The following LOC128092252 variants were observed in gnomAD, a reference collection of about 807,000 sequenced individuals.
the LOC128092252 span, among the ~76,000 whole-genome samples, chr15:50,678,543 C>T: frequency 5.2e-3 from 750 of 144,346 alleles, 12 homozygotes; most frequent in African/African-American, 0.016. Context: ...TATATATATA[C>T]ACACACACAC....
chr15:50,679,532 A>T, the LOC128092252 span, among the ~76,000 whole-genome samples: 22 of 33,376 alleles, frequency 6.6e-4, no homozygotes, highest in East Asian at 1.5e-3. Flanking sequence ...ATATATATAT[A>T]TATATATTTT....
At chr15:50,673,238 C>T in the LOC128092252 span, among the ~76,000 whole-genome samples, 1 of 152,092 alleles carries the variant, frequency 6.6e-6, no homozygotes, top group Non-Finnish European at 1.5e-5. Context: ...CAGTAAATGC[C>T]TTATACACCT....
chr15:50,657,703 G>T, the LOC128092252 span: 1 of 1,285,788 alleles, frequency 7.8e-7, no homozygotes, highest in Non-Finnish European at 1.1e-6. Flanking sequence ...TCATGCCACT[G>T]TGTTCTAACT....
At chr15:50,657,968 T>A in the LOC128092252 span, 1 of 545,886 alleles carries the variant, frequency 1.8e-6, no homozygotes, top group Non-Finnish European at 3.3e-6. Context: ...TACCTTGATT[T>A]ATAATTCAAA....
At chr15:50,656,798 A>C in the LOC128092252 span, among the ~76,000 whole-genome samples, 5 of 151,852 alleles carry the variant, frequency 3.3e-5, no homozygotes, top group African/African-American at 9.7e-5. Flanking sequence ...ATTACAATTT[A>C]CTCAGTTGCC....
At chr15:50,679,096 T>A in the LOC128092252 span, among the ~76,000 whole-genome samples, 1 of 136,350 alleles carries the variant, frequency 7.3e-6, no homozygotes, top group Non-Finnish European at 1.6e-5. Flanking sequence ...ATGGTCTCGA[T>A]CTCTTGACCT....
chr15:50,678,085 C>CA, the LOC128092252 span, among the ~76,000 whole-genome samples: 1 of 150,082 alleles, frequency 6.7e-6, no homozygotes, highest in Non-Finnish European at 1.5e-5. Context: ...TAAAAAAATA[C>CA]AAAAAATCAG....
At chr15:50,669,669 G>A in the LOC128092252 span, among the ~76,000 whole-genome samples, 1 of 152,014 alleles carries the variant, frequency 6.6e-6, no homozygotes, top group Admixed American at 6.6e-5. Context: ...CAAGAACTAT[G>A]GTATACCTGT....
chr15:50,672,601 T>G, the LOC128092252 span, among the ~76,000 whole-genome samples: 1 of 151,886 alleles, frequency 6.6e-6, no homozygotes, highest in African/African-American at 2.4e-5. Context: ...AGTAAAATAA[T>G]TTTAAAATGT....
At chr15:50,684,402 G>C in the LOC128092252 span, among the ~76,000 whole-genome samples, 1 of 152,100 alleles carries the variant, frequency 6.6e-6, no homozygotes, top group Non-Finnish European at 1.5e-5. Context: ...AACACTTTGG[G>C]AGGTGAGACA....
chr15:50,662,305 C>T, the LOC128092252 span, among the ~76,000 whole-genome samples: 21 of 143,976 alleles, frequency 1.5e-4, no homozygotes, highest in Non-Finnish European at 2.3e-4. Context: ...CCAGCCTGGA[C>T]GACAGAGCAA....
the LOC128092252 span, among the ~76,000 whole-genome samples, chr15:50,661,815 A>G: frequency 2.0e-5 from 3 of 152,232 alleles, no homozygotes; most frequent in Admixed American, 1.3e-4. Flanking sequence ...TACTTTTGTC[A>G]ATTAATTTTC....
the LOC128092252 span, among the ~76,000 whole-genome samples, chr15:50,666,887 AAAT>A: frequency 1.3e-5 from 2 of 152,138 alleles, no homozygotes; most frequent in African/African-American, 4.8e-5. Flanking sequence ...ATAAAGAAGA[AAAT>A]AACAGGCTGT....
chr15:50,672,489 C>G, the LOC128092252 span, among the ~76,000 whole-genome samples: 1 of 152,072 alleles, frequency 6.6e-6, no homozygotes, highest in Non-Finnish European at 1.5e-5. Context: ...TTCCATGAGG[C>G]AAGATGAGAG....
the LOC128092252 span, among the ~76,000 whole-genome samples, chr15:50,672,316 A>C: frequency 6.6e-6 from 1 of 151,602 alleles, no homozygotes; most frequent in Non-Finnish European, 1.5e-5. Flanking sequence ...TTGGCCTCCC[A>C]AAGTGCTAGG....
At chr15:50,671,090 T>C in the LOC128092252 span, among the ~76,000 whole-genome samples, 1 of 152,330 alleles carries the variant, frequency 6.6e-6, no homozygotes, top group Admixed American at 6.5e-5. Context: ...ATACTCTTAG[T>C]ATTTTTCAAA....
At chr15:50,659,126 AG>A in the LOC128092252 span, among the ~76,000 whole-genome samples, 121 of 151,742 alleles carry the variant, frequency 8.0e-4, 1 homozygote, top group African/African-American at 2.9e-3. Context: ...TGAACCCAGG[AG>A]GCAGAGCTTG....
chr15:50,657,911 AAT>A, the LOC128092252 span: 1 of 925,076 alleles, frequency 1.1e-6, no homozygotes, highest in Non-Finnish European at 1.6e-6. Flanking sequence ...AAACAAAAAA[AAT>A]TATATACCTA....
At chr15:50,675,491 G>T in the LOC128092252 span, among the ~76,000 whole-genome samples, 1 of 151,970 alleles carries the variant, frequency 6.6e-6, no homozygotes, top group Non-Finnish European at 1.5e-5. Flanking sequence ...ATCATTTACG[G>T]CCTTCACTTG....
Sources: gnomAD v4.1 joint callset for allele counts (sites outside exome capture counted in the v4.1 genomes callset) on GRCh38, gnomAD v4.1.1 for gene constraint, MANE v1.5 for transcripts.